The following FAM184B variants were observed in gnomAD, a reference collection of about 807,000 sequenced individuals.
FAM184B encodes the protein protein FAM184B.
Under a neutral mutation model 135.9 loss-of-function variants are expected in FAM184B, and 111 were observed. The observed-to-expected ratio is 0.82, with a 90% CI of 0.70 to 0.96. The LOEUF (loss-of-function observed/expected upper bound fraction) is 0.96, where lower values mean the gene tolerates loss of function less well. Among genes scored for constraint, FAM184B ranks in the 40% least tolerant of loss-of-function variants. The pLI, the probability that FAM184B is intolerant of heterozygous loss-of-function variation, is 0.00. For missense variants in FAM184B, 1,375 were observed against 1,323.9 expected, an observed-to-expected ratio of 1.04 and a Z score of -0.60; for synonymous variants, 552 against 524.8, an observed-to-expected ratio of 1.05 and a Z score of -0.71.
chr4:17,690,103 G>A (rs1716696525), intron 6 of FAM184B, among the ~76,000 whole-genome samples: 1 of 151,688 alleles, frequency 6.6e-6, no homozygotes, highest in African/African-American at 2.4e-5. Flanking sequence ...AACCAAGATT[G>A]CACCATTGCA....
chr4:17,638,016 C>T (rs1715196707), intron 14 of FAM184B, among the ~76,000 whole-genome samples: 1 of 151,590 alleles, frequency 6.6e-6, no homozygotes, highest in Admixed American at 6.6e-5. Flanking sequence ...CTCAGGAGTG[C>T]CCTCACCTCC....
chr4:17,740,696 T>C (rs762801555), intron 1 of FAM184B, among the ~76,000 whole-genome samples: 29 of 152,202 alleles, frequency 1.9e-4, no homozygotes, highest in Non-Finnish European at 1.6e-4. Flanking sequence ...GGAGAGATGA[T>C]TGATTGGTTT....
intron 8 of FAM184B, among the ~76,000 whole-genome samples, chr4:17,660,360 G>A (rs1197095834): frequency 6.6e-6 from 1 of 152,072 alleles, no homozygotes; most frequent in Non-Finnish European, 1.5e-5. Flanking sequence ...GTTTTAGTGG[G>A]TTCTTAATAA....
At chr4:17,678,941 T>C (rs1716379125) in intron 7 of FAM184B, among the ~76,000 whole-genome samples, 1 of 152,144 alleles carries the variant, frequency 6.6e-6, no homozygotes, top group Admixed American at 6.5e-5. Flanking sequence ...GGACACCCTA[T>C]TCAACAAATG....
intron 1 of FAM184B, among the ~76,000 whole-genome samples, chr4:17,734,557 G>A (rs550063401): frequency 6.6e-6 from 1 of 152,216 alleles, no homozygotes; most frequent in East Asian, 1.9e-4. Flanking sequence ...AGACATTTAT[G>A]CAGCCAAAAA....
chr4:17,735,977 A>G (rs1717899605), intron 1 of FAM184B, among the ~76,000 whole-genome samples: 1 of 152,170 alleles, frequency 6.6e-6, no homozygotes. Flanking sequence ...GTTTTACAAA[A>G]ACATCAATAG....
At chr4:17,722,132 C>T (rs907068628) in intron 1 of FAM184B, among the ~76,000 whole-genome samples, 1 of 152,174 alleles carries the variant, frequency 6.6e-6, no homozygotes, top group African/African-American at 2.4e-5. Context: ...GAAGATTCTG[C>T]AGCTTGTGTG....
intron 11 of FAM184B, 113 bp downstream of exon 11, chr4:17,652,717 C>T (rs555146870): frequency 3.2e-5 from 40 of 1,258,762 alleles, no homozygotes; most frequent in African/African-American, 6.0e-5. Flanking sequence ...TTCCCGGAGC[C>T]GTGGCCTGTG....
intron 1 of FAM184B, among the ~76,000 whole-genome samples, chr4:17,724,111 T>TCA (rs112763574): frequency 0.025 from 3,754 of 150,258 alleles, 118 homozygotes; most frequent in African/African-American, 0.071. Flanking sequence ...AAACAAAATC[T>TCA]CACACACACA....
intron 14 of FAM184B, 37 bp from the exon 15 acceptor site, chr4:17,636,682 A>G: frequency 7.1e-7 from 1 of 1,416,084 alleles, no homozygotes; most frequent in Middle Eastern, 1.8e-4. Context: ...TCCCCCTTAC[A>G]GCAATTACTC....
At position 17,631,496 on chromosome 4, in the gene FAM184B, C is replaced by G. The variant is rs917410379; in HGVS notation, c.*1036G>C. 3.3e-5 allele frequency: 5 copies of G among 152,170 alleles called. No individual in the cohort carries two copies. The highest frequency in any genetic ancestry group is 4.8e-5 in the African/African-American group (2 of 41,426). The allele number at this position is 152,170 out of a possible 1,614,324, so 9.4% of individuals were successfully genotyped here. A position where few individuals can be genotyped will look rare whatever the true frequency, so the allele number is the denominator to read the frequency against. ...TCTTTGACTTCAAAGAACAGATAAT[C>G]TAGAGACCTTCACAAGTGATCATGT... On this transcript the variant is annotated 3_prime_UTR_variant, in exon 18 of 18. Coordinates refer to ENST00000265018, the MANE Select transcript of FAM184B (RefSeq NM_015688.2).
intron 7 of FAM184B, among the ~76,000 whole-genome samples, chr4:17,677,293 C>T (rs1716334655): frequency 6.6e-6 from 1 of 152,126 alleles, no homozygotes; most frequent in African/African-American, 2.4e-5. Flanking sequence ...AGTGATCTGC[C>T]CACATTGACC....
At chr4:17,703,314 G>C (rs1577267636) in intron 5 of FAM184B, among the ~76,000 whole-genome samples, 1 of 151,842 alleles carries the variant, frequency 6.6e-6, no homozygotes, top group Non-Finnish European at 1.5e-5. Flanking sequence ...TGGGCAACAT[G>C]GTGAGATCCC....
chr4:17,671,601 G>A (rs1347756121), intron 7 of FAM184B, among the ~76,000 whole-genome samples: 3 of 152,008 alleles, frequency 2.0e-5, no homozygotes, highest in East Asian at 3.9e-4. Context: ...CCAACACAGA[G>A]AGTCAAAGAG....
At chr4:17,668,825 C>A (rs183478078) in intron 7 of FAM184B, among the ~76,000 whole-genome samples, 1 of 152,270 alleles carries the variant, frequency 6.6e-6, no homozygotes, top group Non-Finnish European at 1.5e-5. Flanking sequence ...CATGAGCCAC[C>A]GCACCTGGCC....
At chr4:17,682,236 C>T (rs1365351865) in intron 7 of FAM184B, among the ~76,000 whole-genome samples, 1 of 152,120 alleles carries the variant, frequency 6.6e-6, no homozygotes, top group Non-Finnish European at 1.5e-5. Context: ...AAAAATTTTC[C>T]CTCAGAATGA....
intron 11 of FAM184B, among the ~76,000 whole-genome samples, chr4:17,652,110 G>C (rs1487766703): frequency 6.6e-6 from 1 of 150,424 alleles, no homozygotes; most frequent in South Asian, 2.1e-4. Flanking sequence ...TTATATGCTA[G>C]ACACTTTATA....
chr4:17,639,176 C>A, intron 14 of FAM184B, 74 bp downstream of exon 14: 1 of 1,415,622 alleles, frequency 7.1e-7, no homozygotes, highest in Non-Finnish European at 9.7e-7. Flanking sequence ...ATCCCAGGGT[C>A]ATTGGGGTGA....
At position 17,652,278 on chromosome 4, in the gene FAM184B, C is replaced by A. The variant is rs567809279; in HGVS notation, c.2191+552G>T. On this transcript the variant is annotated intron_variant, in intron 11 of 17. Coordinates refer to ENST00000265018, the MANE Select transcript of FAM184B (RefSeq NM_015688.2). ...TAGCTGGGACTACAGACACCTGCCA[C>A]CACGCCCGGCTAATTTTTTGTATTT... 1.4e-3 allele frequency among the ~76,000 whole-genome samples: 206 copies of A among 152,074 alleles called. 1 individual carries two copies. The highest frequency in any genetic ancestry group is 6.8e-3 in the Middle Eastern group (2 of 292).
Sources: gnomAD v4.1 joint callset for allele counts (sites outside exome capture counted in the v4.1 genomes callset) on GRCh38, gnomAD v4.1.1 for gene constraint, MANE v1.5 for transcripts, NCBI Gene and HGNC (gene_info 2026-07-23, HGNC 2026-07-21) for gene names.